TNR: variants seen among roughly 807,000 people sequenced by gnomAD.
TNR encodes tenascin-R.
A neutral mutation model predicts 150.4 loss-of-function variants in TNR; 45 were observed. That is an observed-to-expected ratio of 0.30 (90% CI 0.24 to 0.38). The LOEUF is 0.38. Among genes scored for constraint, TNR ranks in the 10% least tolerant of loss-of-function variants. The pLI, the probability that TNR is intolerant of heterozygous loss-of-function variation, is 1.00. For synonymous variants in TNR, 687 were observed against 678.4 expected (o/e 1.01, Z -0.20); for missense variants, 1,544 against 1,759.1 (o/e 0.88, Z 2.19).
intron 18 of TNR, among the ~76,000 whole-genome samples, chr1:175,341,798 T>C (rs978101116): frequency 6.6e-6 from 1 of 152,232 alleles, no homozygotes; most frequent in Admixed American, 6.5e-5. Flanking sequence ...TGTTGCGCCA[T>C]AGAAGTGCAG....
intron 2 of TNR, among the ~76,000 whole-genome samples, chr1:175,440,417 C>G (rs147416238): frequency 0.012 from 1,862 of 151,676 alleles, 41 homozygotes; most frequent in African/African-American, 0.041. Flanking sequence ...GGAAATACAC[C>G]TAATGCTAAA....
At chr1:175,489,105 A>T (rs548304022) in intron 2 of TNR, among the ~76,000 whole-genome samples, 1 of 152,302 alleles carries the variant, frequency 6.6e-6, no homozygotes, top group South Asian at 2.1e-4. Context: ...TGCTGTAAGG[A>T]TGGAAAAAGG....
At chr1:175,550,871 G>T (rs990428683) in intron 1 of TNR, among the ~76,000 whole-genome samples, 2 of 151,846 alleles carry the variant, frequency 1.3e-5, no homozygotes, top group African/African-American at 4.8e-5. Context: ...ACAAGAAAAA[G>T]CTCTTGGATA....
At chr1:175,459,460 T>C (rs1356919560) in intron 2 of TNR, among the ~76,000 whole-genome samples, 1 of 152,238 alleles carries the variant, frequency 6.6e-6, no homozygotes, top group East Asian at 1.9e-4. Context: ...TCTCCTGCTC[T>C]CTAATGTGAG....
chr1:175,720,304 G>A (rs1667264855), intron 1 of TNR, among the ~76,000 whole-genome samples: 1 of 152,122 alleles, frequency 6.6e-6, no homozygotes, highest in Non-Finnish European at 1.5e-5. Flanking sequence ...CTGACAAGTT[G>A]ATCATCTGCA....
At chr1:175,574,719 C>A (rs1025267326) in intron 1 of TNR, among the ~76,000 whole-genome samples, 1 of 152,184 alleles carries the variant, frequency 6.6e-6, no homozygotes, top group African/African-American at 2.4e-5. Context: ...GAAGGCAATA[C>A]ACCTAAGCAA....
At chr1:175,574,331 C>T (rs1266261149) in intron 1 of TNR, among the ~76,000 whole-genome samples, 1 of 152,058 alleles carries the variant, frequency 6.6e-6, no homozygotes, top group Non-Finnish European at 1.5e-5. Context: ...CTGTCTGCTC[C>T]TGTGGTTTTA....
At chr1:175,684,115 C>T (rs1255690752) in intron 1 of TNR, among the ~76,000 whole-genome samples, 1 of 152,222 alleles carries the variant, frequency 6.6e-6, no homozygotes, top group Non-Finnish European at 1.5e-5. Flanking sequence ...GTGTGTGCAT[C>T]AGACTGACTC....
At chr1:175,362,622 A>G (rs1280344603) in intron 14 of TNR, 41 bp downstream of exon 14, 1 of 1,597,412 alleles carries the variant, frequency 6.3e-7, no homozygotes, top group Non-Finnish European at 8.6e-7. Flanking sequence ...CCAGATCTTC[A>G]GCCAGGGTTC....
chr1:175,406,690 C>A lies in TNR; in HGVS notation c.25G>T (p.Val9Phe). The change falls in exon 3 of 23, where the codon GTT (valine) becomes TTT (phenylalanine). Residue 9 changes from valine to phenylalanine, a missense_variant. Physicochemically the swap from Val to Phe is conservative, Grantham distance 50. Coordinates refer to ENST00000367674, the MANE Select transcript of TNR (RefSeq NM_003285.3). ...ATGCCAATGAGCATGTTCTTCAGAA[C>A]CACTGTTTCCCCATCTGCCCCCATC... MGADGETV[V>F]LKNMLIGINL... 6.2e-7 allele frequency: 1 copy of A among 1,614,104 alleles called. No individual in the cohort carries two copies. The highest frequency in any genetic ancestry group is 8.5e-7 in the Non-Finnish European group (1 of 1,179,980).
intron 1 of TNR, among the ~76,000 whole-genome samples, chr1:175,700,375 C>T (rs74583183): frequency 3.7e-4 from 57 of 152,290 alleles, no homozygotes; most frequent in East Asian, 1.2e-3. Context: ...ATTGTAGCTA[C>T]GGGACCAAGC....
chr1:175,424,278 T>C (rs923720504), intron 2 of TNR, among the ~76,000 whole-genome samples: 11 of 152,162 alleles, frequency 7.2e-5, no homozygotes, highest in African/African-American at 1.9e-4. Context: ...TCAGTCTGCA[T>C]TGGAAGCCGG....
chr1:175,664,770 C>T (rs188342203), intron 1 of TNR, among the ~76,000 whole-genome samples: 1 of 152,204 alleles, frequency 6.6e-6, no homozygotes, highest in Non-Finnish European at 1.5e-5. Flanking sequence ...CAAAATCCAA[C>T]TTGGTAAATG....
chr1:175,574,050 G>C (rs1661999110), intron 1 of TNR, among the ~76,000 whole-genome samples: 1 of 152,162 alleles, frequency 6.6e-6, no homozygotes, highest in South Asian at 2.1e-4. Context: ...CTCAGGTCTT[G>C]AAGAGGAAGA....
At chr1:175,411,559 C>T (rs1407649920) in intron 2 of TNR, among the ~76,000 whole-genome samples, 1 of 151,720 alleles carries the variant, frequency 6.6e-6, no homozygotes, top group African/African-American at 2.4e-5. Context: ...CTGCCCCATG[C>T]CCCTCTCCCA....
chr1:175,567,376 A>T (rs779489244), intron 1 of TNR, among the ~76,000 whole-genome samples: 1 of 152,098 alleles, frequency 6.6e-6, no homozygotes, highest in Non-Finnish European at 1.5e-5. Context: ...TGAAAGTTCA[A>T]CCTAGACAGA....
rs73050462 is a variant in TNR at position 175,601,396 on chromosome 1, G to A, written c.-164-73027C>T. ...TTTGCATGTCTTTGGGGGACTTAGT[G>A]TGTGATCCACAGACTTCTAGTCATC... On this transcript the variant is annotated intron_variant, in intron 1 of 22. Transcript: ENST00000367674. Among the ~76,000 whole-genome samples, 1,210 of 152,304 alleles carry A rather than the reference G, an allele frequency of 7.9e-3. 12 individuals are homozygous for A. The highest frequency in any genetic ancestry group is 0.028 in the African/African-American group (1,151 of 41,562).
chr1:175,575,322 C>A (rs1662054176), intron 1 of TNR, among the ~76,000 whole-genome samples: 1 of 152,168 alleles, frequency 6.6e-6, no homozygotes, highest in Non-Finnish European at 1.5e-5. Flanking sequence ...CATTTGGGAG[C>A]ATTTTTTACT....
chr1:175,404,060 C>G (rs1357530483), intron 3 of TNR, among the ~76,000 whole-genome samples: 1 of 152,116 alleles, frequency 6.6e-6, no homozygotes, highest in Non-Finnish European at 1.5e-5. Context: ...CTGCAGGGTG[C>G]TCTGGGCAGT....
Sources: allele counts gnomAD v4.1 joint callset (sites outside exome capture counted in the v4.1 genomes callset), GRCh38; gene constraint gnomAD v4.1.1; transcripts MANE v1.5; gene names NCBI Gene and HGNC (gene_info 2026-07-23, HGNC 2026-07-21).